Variants in SLC12A1 observed in about 807,000 individuals in gnomAD.
SLC12A1 encodes the protein solute carrier family 12 member 1.
In SLC12A1, 89 loss-of-function variants were observed where a neutral mutation model predicts 130.4. The observed-to-expected ratio is 0.68, with a 90% CI of 0.58 to 0.81. SLC12A1 has a LOEUF of 0.81. SLC12A1 is among the 40% of genes least tolerant of loss of function. The probability of loss-of-function intolerance (pLI) is 0.00; values close to 1 mark genes in which losing one functional copy is unlikely to be tolerated. For missense variants in SLC12A1, 1,310 were observed against 1,336.4 expected (o/e 0.98, Z 0.31); for synonymous variants, 499 against 460.0 (o/e 1.08, Z -1.09).
At chr15:48,229,145 A>G (rs781143294) in intron 5 of SLC12A1, 44 bp from the exon 6 acceptor site, 2 of 1,554,520 alleles carry the variant, frequency 1.3e-6, no homozygotes, top group Non-Finnish European at 8.7e-7. Flanking sequence ...GGTTATATAA[A>G]CTAGCAGTTC....
intron 15 of SLC12A1, among the ~76,000 whole-genome samples, chr15:48,254,478 C>A (rs36002540): frequency 6.6e-6 from 1 of 151,448 alleles, no homozygotes; most frequent in Admixed American, 6.6e-5. Flanking sequence ...CCCTGGCTTT[C>A]TAGAACAAGG....
chr15:48,276,350 C>T (rs2041953548), intron 20 of SLC12A1, among the ~76,000 whole-genome samples: 1 of 152,126 alleles, frequency 6.6e-6, no homozygotes, highest in African/African-American at 2.4e-5. Flanking sequence ...GTCTCCCCCA[C>T]CAAATTCATA....
In SLC12A1 at chr15:48,303,013, C is replaced by A; in HGVS notation, c.*128C>A. The A allele has an allele frequency of 3.2e-6, 2 of 631,840 alleles. No individual in the cohort carries two copies. Among genetic ancestry groups the A allele is most frequent in the Non-Finnish European group, 5.0e-6 (2 of 401,158 alleles). 39.1% of individuals were successfully genotyped at this position (631,840 alleles called of 1,614,324 possible). On this transcript the variant is annotated 3_prime_UTR_variant, in exon 27 of 27. Transcript: ENST00000380993. ...CTGGAGAGGATCCTACCAGATTCTA[C>A]ATACATTGCATAATTTTTATCAGTT... is the stretch of plus-strand genomic sequence containing the variant.
intron 4 of SLC12A1, chr15:48,223,820 A>G (rs1290348060): frequency 6.6e-6 from 1 of 152,130 alleles, no homozygotes; most frequent in Non-Finnish European, 1.5e-5. Flanking sequence ...TGGTCCAACT[A>G]TTTTTTACAA....
At chr15:48,289,790 T>C (rs577347270) in intron 23 of SLC12A1, among the ~76,000 whole-genome samples, 1 of 152,290 alleles carries the variant, frequency 6.6e-6, no homozygotes, top group Non-Finnish European at 1.5e-5. Flanking sequence ...TGAGTGGAAC[T>C]TGCAGGACTG....
chr15:48,272,503 T>C (rs1213114208), intron 19 of SLC12A1, among the ~76,000 whole-genome samples: 3 of 152,156 alleles, frequency 2.0e-5, no homozygotes, highest in African/African-American at 7.2e-5. Context: ...CTTGGCTCAC[T>C]GCAACCTCCA....
At chr15:48,285,395 G>C in intron 21 of SLC12A1, 146 bp downstream of exon 21, 1 of 664,204 alleles carries the variant, frequency 1.5e-6, no homozygotes, top group Non-Finnish European at 2.5e-6. Flanking sequence ...AGGTAGTATG[G>C]ATAAACGGTA....
At chr15:48,235,034 G>A (rs746534689) in intron 9 of SLC12A1, 30 bp downstream of exon 9, 2 of 1,611,460 alleles carry the variant, frequency 1.2e-6, no homozygotes, top group African/African-American at 1.3e-5. Flanking sequence ...TTGCAGTCCT[G>A]GGAGTGGTGG....
In SLC12A1 at chr15:48,208,073, C is replaced by A; in HGVS notation, c.354C>A (p.Thr118=). The A allele has an allele frequency of 6.2e-7, 1 of 1,613,268 alleles. No individual in the cohort carries two copies. The highest frequency in any genetic ancestry group is 8.5e-7 in the Non-Finnish European group (1 of 1,179,500). The change falls in exon 2 of 27, where the codon ACC becomes ACA. Residue 118 remains threonine, a synonymous_variant. Transcript: ENST00000380993. ...CCAAGATAGAGTACTATCGTAACACCGGCAGCATCAGTGGGCCCAAGGTCA... is the reference window on the plus strand; with the variant it reads ...CCAAGATAGAGTACTATCGTAACACAGGCAGCATCAGTGGGCCCAAGGTCA... ...AVPKIEYYRN[T]GSISGPKVNR...
At chr15:48,270,647 CAT>C (rs1051736675) in intron 19 of SLC12A1, among the ~76,000 whole-genome samples, 18 of 134,830 alleles carry the variant, frequency 1.3e-4, no homozygotes, top group African/African-American at 4.7e-4. Context: ...CAAAGTATTT[CAT>C]ATATATATTA....
chr15:48,221,013 T>G lies in SLC12A1; in HGVS notation c.628+17T>G, dbSNP rs2041206724. 1 of 1,610,124 alleles carries G rather than the reference T, an allele frequency of 6.2e-7. No homozygotes were observed. The highest frequency in any genetic ancestry group is 1.3e-5 in the African/African-American group (1 of 74,840). On this transcript the variant is annotated intron_variant, in intron 4 of 26. Transcript: ENST00000380993. ...CTGGAATTGGTAAGCATTTTTCCCC[T>G]CCTAAATAATTTTGCATGTAAATCA...
chr15:48,251,776 A>T lies in SLC12A1; in HGVS notation c.1942+6A>T. The T allele has an allele frequency of 6.2e-7, 1 of 1,612,992 alleles. No individual in the cohort carries two copies. Among genetic ancestry groups the T allele is most frequent in the Non-Finnish European group, 8.5e-7 (1 of 1,179,178 alleles). ...TGTGACTTGTAAGAAGCCAGGTAAG[A>T]TAATGACTGTCTGGAATAGCGTTTC... On this transcript the variant is annotated splice_donor_region_variant and intron_variant, in intron 15 of 26. Coordinates refer to ENST00000380993, the MANE Select transcript of SLC12A1 (RefSeq NM_000338.3).
Position 48,234,913 on chromosome 15 carries a change from C to T in SLC12A1, c.1124C>T (p.Thr375Ile). Residue 375 changes from threonine (T) to isoleucine (I), a missense_variant, in exon 9 of 27, where the codon ACA becomes ATA. Physicochemically the swap from Thr to Ile is moderately conservative, Grantham distance 89. Transcript: ENST00000380993. ...IFAENFGPRF[T>I]KGEGFFSVFA... The stretch of plus-strand genomic sequence containing the variant: ...GCAGAAAACTTTGGGCCACGCTTCA[C>T]AAAGGGTGAAGGCTTCTTCTCTGTC... 6.2e-7 allele frequency: 1 copy of T among 1,613,882 alleles called. No homozygotes were observed. Among genetic ancestry groups the T allele is most frequent in the Non-Finnish European group, 8.5e-7 (1 of 1,179,792 alleles).
intron 7 of SLC12A1, among the ~76,000 whole-genome samples, chr15:48,231,883 T>A (rs1289297720): frequency 6.6e-6 from 1 of 152,122 alleles, no homozygotes; most frequent in African/African-American, 2.4e-5. Flanking sequence ...GGGTGGCGTA[T>A]GCCTGTAATC....
chr15:48,213,501 A>AC (rs2041080407), intron 2 of SLC12A1, among the ~76,000 whole-genome samples: 2 of 131,276 alleles, frequency 1.5e-5, no homozygotes, highest in Non-Finnish European at 3.2e-5. Flanking sequence ...TTCCTCTAGA[A>AC]TTTTTTTTTT....
chr15:48,230,403 C>G lies in SLC12A1; in HGVS notation c.875C>G (p.Ser292Trp). The part of the protein sequence containing the change: ...TVVDLLKESD[S>W]MMVDPTNDIR... ...AATTTGTTTCCCCAGGAGAGTGATT[C>G]GATGATGGTGGATCCAACCAATGAC... Residue 292 changes from serine to tryptophan, a missense_variant, in exon 7 of 27, where the codon TCG becomes TGG. Transcript: ENST00000380993. 1 of 1,608,882 alleles carries G rather than the reference C, an allele frequency of 6.2e-7. No homozygotes were observed. Among genetic ancestry groups the G allele is most frequent in the Non-Finnish European group, 8.5e-7 (1 of 1,176,728 alleles).
Position 48,299,242 on chromosome 15 carries a change from T to G in SLC12A1, c.3063T>G (p.Ile1021Met), listed in dbSNP as rs764479868. 3 of 1,607,794 alleles carry G rather than the reference T, an allele frequency of 1.9e-6. No homozygotes were observed. Among genetic ancestry groups the G allele is most frequent in the Non-Finnish European group, 2.5e-6 (3 of 1,178,024 alleles). The change falls in exon 25 of 27, where the codon ATT (isoleucine) becomes ATG (methionine). Residue 1021 changes from isoleucine to methionine, a missense_variant. Physicochemically the swap from Ile to Met is conservative, Grantham distance 10. Coordinates refer to ENST00000380993, the MANE Select transcript of SLC12A1 (RefSeq NM_000338.3). ...EKLKRETPWK[I>M]TDAELEAVKE... ...TAAAAAGAGAAACTCCGTGGAAAAT[T>G]ACAGATGCAGAACTGGAAGCAGTCA...
At chr15:48,259,766 T>C (rs1054080192) in intron 17 of SLC12A1, among the ~76,000 whole-genome samples, 3 of 152,172 alleles carry the variant, frequency 2.0e-5, no homozygotes, top group African/African-American at 7.2e-5. Flanking sequence ...TTTGATGACA[T>C]TGCAGATACT....
At position 48,288,392 on chromosome 15, in the gene SLC12A1, T is replaced by C. The variant is rs1346509182; in HGVS notation, c.2762-13T>C. 9.7e-6 allele frequency: 13 copies of C among 1,333,758 alleles called. No individual in the cohort carries two copies. Among genetic ancestry groups the C allele is most frequent in the Non-Finnish European group, 1.3e-5 (12 of 953,614 alleles). 82.6% of individuals were successfully genotyped at this position (1,333,758 alleles called of 1,614,324 possible). On this transcript the variant is annotated splice_polypyrimidine_tract_variant and intron_variant, in intron 22 of 26. Transcript: ENST00000380993. The stretch of plus-strand genomic sequence containing the variant: ...GATATACTCATTGTGTCATAATTTA[T>C]TCTTTATTCCAGGGTTAACACTTCT...
Sources: gnomAD v4.1 joint callset for allele counts (sites outside exome capture counted in the v4.1 genomes callset) on GRCh38, gnomAD v4.1.1 for gene constraint, MANE v1.5 for transcripts, NCBI Gene and HGNC (gene_info 2026-07-23, HGNC 2026-07-21) for gene names.